Variants in CREB5 observed in about 807,000 individuals in gnomAD.
CREB5 encodes cyclic AMP-responsive element-binding protein 5.
Under a neutral mutation model 57.1 loss-of-function variants are expected in CREB5, and 19 were observed. The observed-to-expected ratio is 0.33, with a 90% confidence interval of 0.23 to 0.49. The LOEUF is 0.49. Ranked by LOEUF, CREB5 falls within the 20% of genes least tolerant of loss-of-function variation. The pLI is 0.99. For synonymous variants in CREB5, 238 were observed against 238.3 expected, an observed-to-expected ratio of 1.00 and a Z score of 0.01; for missense variants, 579 against 671.6, an observed-to-expected ratio of 0.86 and a Z score of 1.52.
intron 1 of CREB5, among the ~76,000 whole-genome samples, chr7:28,371,376 C>G (rs1208556756): frequency 6.6e-6 from 1 of 151,302 alleles, no homozygotes; most frequent in Non-Finnish European, 1.5e-5. Flanking sequence ...GTAATCCCAA[C>G]TACTCGGGAG....
intron 5 of CREB5, among the ~76,000 whole-genome samples, chr7:28,705,510 T>C (rs1338251773): frequency 6.6e-6 from 1 of 152,216 alleles, no homozygotes; most frequent in African/African-American, 2.4e-5. Flanking sequence ...CACTTTCCGT[T>C]TCTATTTATA....
chr7:28,691,094 T>C (rs1265503870), intron 5 of CREB5, among the ~76,000 whole-genome samples: 2 of 152,180 alleles, frequency 1.3e-5, no homozygotes, highest in African/African-American at 4.8e-5. Flanking sequence ...AATTCAGTTA[T>C]GAGAACTGAA....
At chr7:28,687,551 T>C (rs771795633) in intron 5 of CREB5, among the ~76,000 whole-genome samples, 1 of 149,154 alleles carries the variant, frequency 6.7e-6, no homozygotes, top group Non-Finnish European at 1.5e-5. Flanking sequence ...CATTACTAGA[T>C]AGTAATAAAC....
intron 7 of CREB5, among the ~76,000 whole-genome samples, chr7:28,797,828 T>G (rs750518898): frequency 6.6e-6 from 1 of 152,118 alleles, no homozygotes; most frequent in Non-Finnish European, 1.5e-5. Context: ...CTAGAGGAAG[T>G]TGGTAATCAT....
At chr7:28,685,179 T>G (rs1317111123) in intron 5 of CREB5, among the ~76,000 whole-genome samples, 1 of 152,152 alleles carries the variant, frequency 6.6e-6, no homozygotes, top group Non-Finnish European at 1.5e-5. Context: ...AGCCTGTCTT[T>G]CATTTTAAGG....
At chr7:28,368,435 T>C (rs1786633746) in intron 1 of CREB5, among the ~76,000 whole-genome samples, 1 of 152,238 alleles carries the variant, frequency 6.6e-6, no homozygotes, top group African/African-American at 2.4e-5. Flanking sequence ...ATTTTATATC[T>C]GGGTCTGAAG....
intron 7 of CREB5, among the ~76,000 whole-genome samples, chr7:28,746,164 C>T (rs78758677): frequency 6.6e-6 from 1 of 152,140 alleles, no homozygotes; most frequent in African/African-American, 2.4e-5. Flanking sequence ...TTGCAATGAG[C>T]CCCCTTTTTA....
intron 1 of CREB5, among the ~76,000 whole-genome samples, chr7:28,325,898 A>G (rs546298635): frequency 2.6e-5 from 4 of 152,280 alleles, no homozygotes; most frequent in African/African-American, 9.6e-5. Context: ...GGTATTAGGA[A>G]TCCCTTCAAG....
In CREB5 at chr7:28,819,409, A is replaced by G. The variant is rs1403701413; in HGVS notation, c.*130A>G. On this transcript the variant is annotated 3_prime_UTR_variant, in exon 11 of 11. Coordinates refer to ENST00000357727, the MANE Select transcript of CREB5 (RefSeq NM_182898.4). ...TCTTCAAAGACTGGCTTTCATTTTT[A>G]TAGTTATTATGGAAATGTTGTCTTT... 5.8e-6 allele frequency: 5 copies of G among 867,570 alleles called. 1 individual carries two copies. The highest frequency in any genetic ancestry group is 4.4e-5 in the South Asian group (2 of 45,780). The allele number at this position is 867,570 out of a possible 1,614,324, so 53.7% of individuals were successfully genotyped here.
chr7:28,352,388 G>C (rs1786213905), intron 1 of CREB5, among the ~76,000 whole-genome samples: 1 of 152,306 alleles, frequency 6.6e-6, no homozygotes, highest in South Asian at 2.1e-4. Context: ...TCCTCAGAGG[G>C]AGTGTATTAC....
intron 1 of CREB5, among the ~76,000 whole-genome samples, chr7:28,387,851 G>T (rs1292588840): frequency 2.6e-5 from 4 of 152,098 alleles, no homozygotes; most frequent in Non-Finnish European, 5.9e-5. Flanking sequence ...GTGGTGTTTT[G>T]AGAGTACCTT....
chr7:28,378,204 T>G (rs969587691), intron 1 of CREB5, among the ~76,000 whole-genome samples: 2 of 152,138 alleles, frequency 1.3e-5, no homozygotes, highest in African/African-American at 4.8e-5. Context: ...AAGTTAGTCT[T>G]TAGCTCTCTT....
At chr7:28,302,147 G>A (rs1161704545) in intron 1 of CREB5, among the ~76,000 whole-genome samples, 1 of 152,156 alleles carries the variant, frequency 6.6e-6, no homozygotes, top group African/African-American at 2.4e-5. Context: ...AACAAAATGT[G>A]AAATTTCAGT....
chr7:28,680,393 C>T (rs960731119), intron 5 of CREB5, among the ~76,000 whole-genome samples: 3 of 152,156 alleles, frequency 2.0e-5, no homozygotes, highest in African/African-American at 4.8e-5. Context: ...AACACCAGAA[C>T]ATGAATCAGT....
At chr7:28,397,723 A>G (rs1304393095) in intron 1 of CREB5, among the ~76,000 whole-genome samples, 1 of 152,216 alleles carries the variant, frequency 6.6e-6, no homozygotes, top group Admixed American at 6.5e-5. Flanking sequence ...CTCCTAAACC[A>G]TCACAACACC....
rs1809671505 is a variant in CREB5 at position 28,820,020 on chromosome 7, C to G, written c.*741C>G. On this transcript the variant is annotated 3_prime_UTR_variant, in exon 11 of 11. Coordinates refer to ENST00000357727, the MANE Select transcript of CREB5 (RefSeq NM_182898.4). ...AAGAAAAAAAAAAAAAAGCAAACCT[C>G]CAAAACGTGGACCTAACCATTGCTT... The G allele has an allele frequency of 6.6e-6, 1 of 151,634 alleles. No homozygotes were observed. Among genetic ancestry groups the G allele is most frequent in the Non-Finnish European group, 1.5e-5 (1 of 67,952 alleles). The allele number at this position is 151,634 out of a possible 1,614,324, so 9.4% of individuals were successfully genotyped here.
intron 5 of CREB5, among the ~76,000 whole-genome samples, chr7:28,620,555 G>A (rs1797755749): frequency 6.6e-6 from 1 of 152,134 alleles, no homozygotes; most frequent in Admixed American, 6.6e-5. Context: ...GTAGGCAGAA[G>A]GTAAGTTTCT....
intron 7 of CREB5, among the ~76,000 whole-genome samples, chr7:28,758,087 A>G (rs757057335): frequency 6.6e-5 from 10 of 152,138 alleles, no homozygotes; most frequent in Non-Finnish European, 1.3e-4. Context: ...GTAGTATTGT[A>G]GTCATATTGT....
At chr7:28,306,638 G>A (rs1407543937) in intron 1 of CREB5, among the ~76,000 whole-genome samples, 1 of 132,148 alleles carries the variant, frequency 7.6e-6, no homozygotes, top group Non-Finnish European at 1.5e-5. Context: ...TCGGCTCACT[G>A]CAAGCTCCGC....
Sources: allele counts gnomAD v4.1 joint callset (sites outside exome capture counted in the v4.1 genomes callset), GRCh38; gene constraint gnomAD v4.1.1; transcripts MANE v1.5; gene names NCBI Gene and HGNC (gene_info 2026-07-23, HGNC 2026-07-21).